PLD1: variants seen among roughly 807,000 people sequenced by gnomAD.
The protein encoded by PLD1 is phospholipase D1.
Under a neutral mutation model 137.1 loss-of-function variants are expected in PLD1, and 112 were observed. The ratio of observed to expected loss-of-function variants is 0.82; its 90% CI spans 0.70 to 0.96. The LOEUF (loss-of-function observed/expected upper bound fraction) is 0.96, where lower values mean the gene tolerates loss of function less well. PLD1 is among the 40% of genes least tolerant of loss of function. PLD1 has a pLI of 0.00. For missense variants in PLD1, 1,321 were observed against 1,342.0 expected (o/e 0.98, Z 0.24); for synonymous variants, 431 against 454.7 (o/e 0.95, Z 0.66).
chr3:171,714,102 A>T lies in PLD1; in HGVS notation c.759-57T>A, dbSNP rs116394576. 7.9e-3 allele frequency: 8,411 copies of T among 1,065,924 alleles called. 55 individuals are homozygous for T. Among genetic ancestry groups the T allele is most frequent in the Non-Finnish European group, 0.011 (7,568 of 694,248 alleles). 66.0% of individuals were successfully genotyped at this position (1,065,924 alleles called of 1,614,324 possible). A position where few individuals can be genotyped will look rare whatever the true frequency, so the allele number is the denominator to read the frequency against. ...TGCATTGAGTAAATAAAACGAGAAG[A>T]ACTAATCATTATGACAAGTCTTAAG... On this transcript the variant is annotated intron_variant, in intron 8 of 26. Transcript: ENST00000351298.
Position 171,708,783 on chromosome 3 carries a change from T to C in PLD1, c.1117A>G (p.Asn373Asp). The C allele has an allele frequency of 6.2e-7, 1 of 1,603,906 alleles. No individual in the cohort carries two copies. Among genetic ancestry groups the C allele is most frequent in the South Asian group, 1.1e-5 (1 of 90,872 alleles). Reference sequence around the variant, plus strand: ...CAGTCTGTGATAAAAATCTCTTCATTTGCCTCTTCCATTGCATTTGCCACA... The same window carrying C: ...CAGTCTGTGATAAAAATCTCTTCATCTGCCTCTTCCATTGCATTTGCCACA... The part of the protein sequence containing the change: ...EDVANAMEEA[N>D]EEIFITDWWL... The change falls in exon 11 of 27, where the codon AAT becomes GAT. Residue 373 changes from asparagine to aspartate, a missense_variant. By Grantham distance (23) the Asn-to-Asp change is conservative. Transcript: ENST00000351298.
At chr3:171,738,466 T>G (rs1719546152) in intron 1 of PLD1, among the ~76,000 whole-genome samples, 1 of 152,196 alleles carries the variant, frequency 6.6e-6, no homozygotes, top group Admixed American at 6.5e-5. Flanking sequence ...GAAGAAAGAA[T>G]ATCATGAAAA....
Position 171,642,908 on chromosome 3 carries a change from G to A in PLD1, c.2544-19C>T. The stretch of plus-strand genomic sequence containing the variant: ...CATGGTTCTGAAAATATGTAAAGGA[G>A]AAAATAATTACAGAGGTTTCAAAAC... On this transcript the variant is annotated intron_variant, in intron 22 of 26. Coordinates refer to ENST00000351298, the MANE Select transcript of PLD1 (RefSeq NM_002662.5). The A allele has an allele frequency of 6.8e-7, 1 of 1,474,382 alleles. No individual in the cohort carries two copies. 91.3% of individuals were successfully genotyped at this position (1,474,382 alleles called of 1,614,324 possible).
Position 171,699,740 on chromosome 3 carries a change from C to T in PLD1, c.1227+5G>A, listed in dbSNP as rs1392314953. On this transcript the variant is annotated splice_donor_5th_base_variant and intron_variant, in intron 12 of 26. Transcript: ENST00000351298. ...TATATCAGCATTTTCTGGGAAAGTACATACTGCTTTTCGTTTAAGAATGCA... is the reference window on the plus strand; with the variant it reads ...TATATCAGCATTTTCTGGGAAAGTATATACTGCTTTTCGTTTAAGAATGCA... 1 of 1,599,920 alleles carries T rather than the reference C, an allele frequency of 6.3e-7. No individual in the cohort carries two copies. Among genetic ancestry groups the T allele is most frequent in the Non-Finnish European group, 8.6e-7 (1 of 1,167,426 alleles).
At chr3:171,796,577 C>T (rs962329551) in intron 1 of PLD1, among the ~76,000 whole-genome samples, 4 of 152,188 alleles carry the variant, frequency 2.6e-5, no homozygotes, top group African/African-American at 7.2e-5. Context: ...CAAAAACCCT[C>T]AAACCCTTAA....
intron 1 of PLD1, among the ~76,000 whole-genome samples, chr3:171,785,039 TACAG>T (rs1219351028): frequency 2.6e-5 from 4 of 152,208 alleles, no homozygotes; most frequent in Non-Finnish European, 4.4e-5. Flanking sequence ...GTCTCTGAAG[TACAG>T]ACAGAGTACT....
intron 1 of PLD1, among the ~76,000 whole-genome samples, chr3:171,775,010 G>C (rs1353475417): frequency 6.6e-6 from 1 of 152,160 alleles, no homozygotes; most frequent in East Asian, 1.9e-4. Flanking sequence ...GGGGACAGTG[G>C]GACACAGAGT....
intron 11 of PLD1, among the ~76,000 whole-genome samples, chr3:171,705,553 C>CA (rs899111015): frequency 2.6e-5 from 4 of 151,336 alleles, no homozygotes; most frequent in African/African-American, 9.7e-5. Context: ...ATCTCCCTCT[C>CA]AAAAAAAAGG....
intron 23 of PLD1, among the ~76,000 whole-genome samples, chr3:171,632,752 A>T (rs73883010): frequency 0.23 from 35,636 of 152,122 alleles, 4,471 homozygotes; most frequent in Admixed American, 0.3. Flanking sequence ...TTCAAAATTA[A>T]TTTTTTTAAG....
intron 1 of PLD1, among the ~76,000 whole-genome samples, chr3:171,748,215 C>A (rs991766777): frequency 6.6e-6 from 1 of 152,172 alleles, no homozygotes; most frequent in Non-Finnish European, 1.5e-5. Context: ...GAGGATTACT[C>A]CTGACTTCAA....
intron 23 of PLD1, 35 bp from the exon 24 acceptor site, chr3:171,620,555 T>C (rs202209323): frequency 1.5e-6 from 2 of 1,334,294 alleles, no homozygotes; most frequent in Admixed American, 1.7e-5. Context: ...AAAATTAATA[T>C]GACCAAGCTC....
At chr3:171,716,817 C>T (rs9985447) in intron 8 of PLD1, among the ~76,000 whole-genome samples, 20,967 of 152,094 alleles carry the variant, frequency 0.14, 1,518 homozygotes, top group South Asian at 0.22. Flanking sequence ...AATATTTGCC[C>T]GTTCCAATGT....
At chr3:171,617,033 GGA>G (rs1733171711) in intron 24 of PLD1, among the ~76,000 whole-genome samples, 1 of 152,010 alleles carries the variant, frequency 6.6e-6, no homozygotes, top group Admixed American at 6.6e-5. Flanking sequence ...GCATTACCTA[GGA>G]AAGCTAACAA....
At position 171,796,435 on chromosome 3, in the gene PLD1, G is replaced by A. The variant is rs142610668; in HGVS notation, c.-32+13964C>T. On this transcript the variant is annotated intron_variant, in intron 1 of 26. Transcript: ENST00000351298. ...AGCAAAATGAAGAGCTGAGAAAGAAGACTATTTGCAGATGTAACTATTTCA... is the reference window on the plus strand; with the variant it reads ...AGCAAAATGAAGAGCTGAGAAAGAAAACTATTTGCAGATGTAACTATTTCA... 8.0e-4 allele frequency among the ~76,000 whole-genome samples: 122 copies of A among 152,274 alleles called. 1 individual carries two copies. Among genetic ancestry groups the A allele is most frequent in the Admixed American group, 6.8e-3 (104 of 15,284 alleles).
chr3:171,624,687 T>C (rs1261136503), intron 23 of PLD1, among the ~76,000 whole-genome samples: 1 of 152,170 alleles, frequency 6.6e-6, no homozygotes, highest in Non-Finnish European at 1.5e-5. Flanking sequence ...AATCCACATA[T>C]GGAAGACTAT....
At chr3:171,701,174 G>A (rs904064909) in intron 11 of PLD1, among the ~76,000 whole-genome samples, 4 of 152,102 alleles carry the variant, frequency 2.6e-5, no homozygotes, top group African/African-American at 9.7e-5. Context: ...AACGTTATTG[G>A]GTAAAATAAA....
intron 12 of PLD1, among the ~76,000 whole-genome samples, chr3:171,693,480 T>A (rs1356398656): frequency 6.6e-6 from 1 of 151,978 alleles, no homozygotes; most frequent in East Asian, 1.9e-4. Flanking sequence ...CACTCATGGA[T>A]CCCCCTCCAA....
intron 1 of PLD1, among the ~76,000 whole-genome samples, chr3:171,762,737 G>A (rs1721493443): frequency 6.6e-6 from 1 of 152,212 alleles, no homozygotes; most frequent in African/African-American, 2.4e-5. Context: ...GAGCAAGAAA[G>A]TGAGTTAGGT....
At chr3:171,675,309 T>C (rs1713238714) in intron 18 of PLD1, among the ~76,000 whole-genome samples, 2 of 152,234 alleles carry the variant, frequency 1.3e-5, no homozygotes, top group East Asian at 3.8e-4. Context: ...AATAACTTCA[T>C]AGTAAAATGG....
Sources: gnomAD v4.1 joint callset for allele counts (sites outside exome capture counted in the v4.1 genomes callset) on GRCh38, gnomAD v4.1.1 for gene constraint, MANE v1.5 for transcripts, NCBI Gene and HGNC (gene_info 2026-07-23, HGNC 2026-07-21) for gene names.